Variants in OPCML observed in about 807,000 individuals in gnomAD.
OPCML encodes opioid-binding protein/cell adhesion molecule.
Under a neutral mutation model 37.8 loss-of-function variants are expected in OPCML, and 13 were observed. The observed-to-expected ratio is 0.34, with a 90% CI of 0.22 to 0.55. OPCML has a LOEUF of 0.55. OPCML is among the 20% of genes least tolerant of loss of function. The pLI is 0.91. For synonymous variants in OPCML, 176 were observed against 168.8 expected (o/e 1.04, Z -0.33); for missense variants, 341 against 435.6 (o/e 0.78, Z 1.93).
chr11:132,524,669 G>A (rs1453277572), intron 4 of OPCML, among the ~76,000 whole-genome samples: 2 of 152,104 alleles, frequency 1.3e-5, no homozygotes, highest in African/African-American at 4.8e-5. Flanking sequence ...TCAAAAGTGA[G>A]GCATGTGTCC....
At chr11:132,489,161 T>A (rs1261493016) in intron 4 of OPCML, among the ~76,000 whole-genome samples, 5 of 152,218 alleles carry the variant, frequency 3.3e-5, no homozygotes, top group Admixed American at 6.5e-5. Context: ...ACTCTTTTTT[T>A]AAAAATTCAG....
chr11:133,046,832 T>G (rs1182407111), intron 1 of OPCML, among the ~76,000 whole-genome samples: 1 of 152,160 alleles, frequency 6.6e-6, no homozygotes, highest in African/African-American at 2.4e-5. Context: ...TTCATAAACA[T>G]ATCAACTCTT....
chr11:132,775,581 C>T (rs1402616893), intron 2 of OPCML, among the ~76,000 whole-genome samples: 1 of 152,198 alleles, frequency 6.6e-6, no homozygotes, highest in African/African-American at 2.4e-5. Flanking sequence ...CCAGAGCAGG[C>T]TGCCTGTCGA....
chr11:133,225,069 T>C (rs1299435941), intron 1 of OPCML, among the ~76,000 whole-genome samples: 1 of 152,234 alleles, frequency 6.6e-6, no homozygotes, highest in Non-Finnish European at 1.5e-5. Flanking sequence ...TGAAGTGCTC[T>C]GTAAATGTGT....
intron 3 of OPCML, among the ~76,000 whole-genome samples, chr11:132,641,551 G>T (rs1940852423): frequency 6.6e-6 from 1 of 152,158 alleles, no homozygotes; most frequent in Non-Finnish European, 1.5e-5. Flanking sequence ...GCATTTTCCT[G>T]TATGCACTGT....
chr11:133,414,819 C>T (rs1328392232), intron 1 of OPCML, among the ~76,000 whole-genome samples: 4 of 152,180 alleles, frequency 2.6e-5, no homozygotes, highest in East Asian at 1.9e-4. Flanking sequence ...TTCTCTGCAC[C>T]GTCTACCCCT....
chr11:132,505,181 G>A (rs373754497), intron 4 of OPCML, among the ~76,000 whole-genome samples: 29 of 152,122 alleles, frequency 1.9e-4, no homozygotes, highest in Admixed American at 9.8e-4. Context: ...GAGAATAGGG[G>A]CAAGGCACCA....
intron 1 of OPCML, among the ~76,000 whole-genome samples, chr11:133,495,045 T>C (rs1010500402): frequency 6.6e-6 from 1 of 151,756 alleles, no homozygotes. Flanking sequence ...TAGTCTTTTA[T>C]CCCTTGCCCC....
chr11:133,038,934 C>T (rs1159500611), intron 1 of OPCML, among the ~76,000 whole-genome samples: 1 of 152,104 alleles, frequency 6.6e-6, no homozygotes, highest in Non-Finnish European at 1.5e-5. Flanking sequence ...GTCCTGCAGT[C>T]TCATACTGCT....
At chr11:132,488,849 C>A (rs1309193886) in intron 4 of OPCML, among the ~76,000 whole-genome samples, 1 of 152,128 alleles carries the variant, frequency 6.6e-6, no homozygotes, top group Non-Finnish European at 1.5e-5. Flanking sequence ...CTTAATGAAA[C>A]CTGTATCCTT....
At chr11:133,251,777 A>G (rs948919730) in intron 1 of OPCML, among the ~76,000 whole-genome samples, 1 of 152,228 alleles carries the variant, frequency 6.6e-6, no homozygotes, top group Non-Finnish European at 1.5e-5. Flanking sequence ...CCTCCTCAAC[A>G]TGAAGGCAGA....
At chr11:133,337,261 C>A (rs538720676) in intron 1 of OPCML, among the ~76,000 whole-genome samples, 18 of 152,328 alleles carry the variant, frequency 1.2e-4, no homozygotes, top group Admixed American at 1.0e-3. Context: ...CCTGTGCAGA[C>A]CTCTCTGTAA....
At chr11:133,262,644 G>C (rs765289134) in intron 1 of OPCML, among the ~76,000 whole-genome samples, 1 of 152,166 alleles carries the variant, frequency 6.6e-6, no homozygotes, top group Non-Finnish European at 1.5e-5. Flanking sequence ...CTTTGCCAAC[G>C]CTATGAATAT....
intron 1 of OPCML, among the ~76,000 whole-genome samples, chr11:133,304,059 C>T (rs1448811867): frequency 2.0e-5 from 3 of 152,152 alleles, no homozygotes; most frequent in Non-Finnish European, 2.9e-5. Flanking sequence ...GATAAATTTG[C>T]GTACTGTCCT....
chr11:132,514,651 A>G (rs1447318449), intron 4 of OPCML, among the ~76,000 whole-genome samples: 3 of 152,044 alleles, frequency 2.0e-5, no homozygotes, highest in Non-Finnish European at 1.5e-5. Context: ...ATGACTCAAT[A>G]TTTTTTTGCC....
At chr11:133,337,738 C>T (rs1943775082) in intron 1 of OPCML, among the ~76,000 whole-genome samples, 1 of 152,122 alleles carries the variant, frequency 6.6e-6, no homozygotes, top group African/African-American at 2.4e-5. Context: ...AATACCTGGG[C>T]TAGGTTTCAA....
At chr11:132,798,502 T>C (rs1399746203) in intron 2 of OPCML, among the ~76,000 whole-genome samples, 1 of 152,242 alleles carries the variant, frequency 6.6e-6, no homozygotes, top group Non-Finnish European at 1.5e-5. Context: ...CAACTCCTCC[T>C]TCATTAAGAC....
chr11:133,499,152 C>G (rs960379282), intron 1 of OPCML, among the ~76,000 whole-genome samples: 3 of 152,176 alleles, frequency 2.0e-5, no homozygotes, highest in Non-Finnish European at 4.4e-5. Context: ...CCAGCTCCCT[C>G]CAGAAGTCAA....
chr11:133,030,416 G>C (rs1947645025), intron 1 of OPCML, among the ~76,000 whole-genome samples: 1 of 152,152 alleles, frequency 6.6e-6, no homozygotes, highest in Admixed American at 6.5e-5. Flanking sequence ...CTCATGCTCT[G>C]TCCCTGCCAC....
Sources: allele counts gnomAD v4.1 joint callset (sites outside exome capture counted in the v4.1 genomes callset), GRCh38; gene constraint gnomAD v4.1.1; transcripts MANE v1.5; gene names NCBI Gene and HGNC (gene_info 2026-07-23, HGNC 2026-07-21).